EPHA6: variants seen among roughly 807,000 people sequenced by gnomAD.
The protein encoded by EPHA6 is EPH receptor A6, also known as ephrin type-A receptor 6.
In EPHA6, 50 loss-of-function variants were observed where a neutral mutation model predicts 112.0. The ratio of observed to expected loss-of-function variants is 0.45; its 90% confidence interval spans 0.36 to 0.56. The LOEUF is 0.56. Ranked by LOEUF, EPHA6 falls within the 20% of genes least tolerant of loss-of-function variation. The pLI is 0.00. For missense variants in EPHA6, 1,280 were observed against 1,417.4 expected, an observed-to-expected ratio of 0.90 and a Z score of 1.56; for synonymous variants, 529 against 490.7, an observed-to-expected ratio of 1.08 and a Z score of -1.03.
intron 2 of EPHA6, among the ~76,000 whole-genome samples, chr3:96,876,387 G>A (rs2107492293): frequency 6.6e-6 from 1 of 151,332 alleles, no homozygotes; most frequent in South Asian, 2.1e-4. Context: ...TCCATCATCA[G>A]TTTGACTCTT....
intron 6 of EPHA6, among the ~76,000 whole-genome samples, chr3:97,421,221 A>G (rs932828544): frequency 6.6e-6 from 1 of 152,074 alleles, no homozygotes; most frequent in African/African-American, 2.4e-5. Flanking sequence ...AAAAGCATAT[A>G]TGTTGTTAAA....
chr3:96,938,631 AC>A (rs1360078355), intron 2 of EPHA6, among the ~76,000 whole-genome samples: 36 of 151,558 alleles, frequency 2.4e-4, no homozygotes, highest in African/African-American at 8.6e-4. Context: ...CCTGGCCAGA[AC>A]TTCCAACACT....
chr3:97,269,917 T>C (rs551745621), intron 5 of EPHA6, among the ~76,000 whole-genome samples: 1 of 152,364 alleles, frequency 6.6e-6, no homozygotes, highest in South Asian at 2.1e-4. Flanking sequence ...CTGTGGGTGT[T>C]AATTCATAAA....
chr3:97,555,771 GTTGT>G (rs1365429929), intron 11 of EPHA6, among the ~76,000 whole-genome samples: 52 of 152,114 alleles, frequency 3.4e-4, no homozygotes, highest in African/African-American at 1.2e-3. Context: ...TTTTGATGGG[GTTGT>G]TTGTTTTTTT....
intron 12 of EPHA6, among the ~76,000 whole-genome samples, chr3:97,593,074 G>A (rs1281700457): frequency 6.6e-6 from 1 of 152,052 alleles, no homozygotes; most frequent in East Asian, 1.9e-4. Context: ...GAATTGGCCA[G>A]AAAAGTGAAT....
At chr3:97,368,005 A>C (rs1296682379) in intron 5 of EPHA6, among the ~76,000 whole-genome samples, 4 of 152,132 alleles carry the variant, frequency 2.6e-5, no homozygotes, top group Non-Finnish European at 5.9e-5. Context: ...TAAATAATTC[A>C]TTTGTACTTT....
chr3:97,144,075 A>C (rs1466260793), intron 3 of EPHA6, among the ~76,000 whole-genome samples: 2 of 151,616 alleles, frequency 1.3e-5, no homozygotes, highest in African/African-American at 4.8e-5. Flanking sequence ...TTTATCAAGC[A>C]TTTGTGTATA....
At chr3:97,183,615 T>G (rs111445096) in intron 3 of EPHA6, among the ~76,000 whole-genome samples, 1 of 152,142 alleles carries the variant, frequency 6.6e-6, no homozygotes, top group Non-Finnish European at 1.5e-5. Context: ...ATCTCATGTT[T>G]TCTTTAATTA....
intron 16 of EPHA6, among the ~76,000 whole-genome samples, chr3:97,744,420 C>T (rs1235217987): frequency 1.3e-5 from 2 of 151,872 alleles, no homozygotes; most frequent in African/African-American, 2.4e-5. Context: ...ACCAAGCCCT[C>T]GAAGCCAGAA....
At chr3:97,643,062 AG>A (rs2094023733) in intron 14 of EPHA6, among the ~76,000 whole-genome samples, 1 of 152,194 alleles carries the variant, frequency 6.6e-6, no homozygotes, top group Non-Finnish European at 1.5e-5. Context: ...TTACCCTCAA[AG>A]GGAAGCCCAT....
intron 12 of EPHA6, among the ~76,000 whole-genome samples, chr3:97,597,799 T>C (rs1159177857): frequency 6.6e-6 from 1 of 152,244 alleles, no homozygotes; most frequent in East Asian, 1.9e-4. Flanking sequence ...GCTTAGATGT[T>C]ACAAATGGAA....
At chr3:97,715,966 GAGA>G (rs1352818743) in intron 14 of EPHA6, among the ~76,000 whole-genome samples, 1 of 152,226 alleles carries the variant, frequency 6.6e-6, no homozygotes, top group Non-Finnish European at 1.5e-5. Flanking sequence ...TGCTCTGTAA[GAGA>G]AGTATTAGTA....
At chr3:97,683,797 T>C (rs553205785) in intron 14 of EPHA6, among the ~76,000 whole-genome samples, 1 of 152,240 alleles carries the variant, frequency 6.6e-6, no homozygotes, top group East Asian at 1.9e-4. Flanking sequence ...AGATGACCGT[T>C]GCATTTCTAG....
chr3:96,868,016 T>TA (rs1256331969), intron 2 of EPHA6, among the ~76,000 whole-genome samples: 2 of 151,988 alleles, frequency 1.3e-5, no homozygotes, highest in African/African-American at 4.8e-5. Context: ...GTATATATCT[T>TA]AAACTAGGAT....
intron 7 of EPHA6, among the ~76,000 whole-genome samples, chr3:97,456,118 T>C (rs556340086): frequency 6.6e-6 from 1 of 152,250 alleles, no homozygotes; most frequent in Admixed American, 6.5e-5. Flanking sequence ...TATTTCTTAA[T>C]ACAGAAAGTA....
chr3:97,566,835 A>G (rs949544981), intron 11 of EPHA6, among the ~76,000 whole-genome samples: 7 of 152,192 alleles, frequency 4.6e-5, no homozygotes, highest in African/African-American at 1.4e-4. Flanking sequence ...CATCTACCCT[A>G]TTCAATTCCA....
intron 13 of EPHA6, 143 bp from the exon 14 acceptor site, chr3:97,637,730 C>T: frequency 6.6e-6 from 4 of 607,154 alleles, no homozygotes; most frequent in South Asian, 2.4e-5. Flanking sequence ...ATTACTTTTC[C>T]TTATGAATAT....
At chr3:97,615,350 G>C (rs751445392) in intron 13 of EPHA6, among the ~76,000 whole-genome samples, 6 of 152,148 alleles carry the variant, frequency 3.9e-5, no homozygotes, top group Non-Finnish European at 8.8e-5. Flanking sequence ...AGTCCTGGGA[G>C]CTTTATATAC....
rs542762806 is a variant in EPHA6 at position 97,499,968 on chromosome 3, T to C, written c.2200+15909T>C. ...AATTTTATTTTATAAACTTTTTAAC[T>C]TTTTTAACTTCTTGACTATAATAAC... On this transcript the variant is annotated intron_variant, in intron 10 of 17. Transcript: ENST00000389672. Among the ~76,000 whole-genome samples the C allele has an allele frequency of 4.6e-5, 7 of 152,078 alleles. No homozygotes were observed. The East Asian group carries it at 1.3e-3, about 29-fold the overall frequency.
Sources: allele counts gnomAD v4.1 joint callset (sites outside exome capture counted in the v4.1 genomes callset), GRCh38; gene constraint gnomAD v4.1.1; transcripts MANE v1.5; gene names NCBI Gene and HGNC (gene_info 2026-07-23, HGNC 2026-07-21).